The following CSMD1 variants were observed in gnomAD, a reference collection of about 807,000 sequenced individuals.
CSMD1 encodes the protein CUB and Sushi multiple domains 1.
In CSMD1, 213 loss-of-function variants were observed where a neutral mutation model predicts 417.5. The observed-to-expected ratio is 0.51, with a 90% CI of 0.46 to 0.57. The LOEUF is 0.57. CSMD1 is among the 20% of genes least tolerant of loss of function. CSMD1 has a pLI of 0.00. For missense variants in CSMD1, 6,923 were observed against 4,529.7 expected, an observed-to-expected ratio of 1.53 and a Z score of -15.17; for synonymous variants, 2,862 against 1,736.8, an observed-to-expected ratio of 1.65 and a Z score of -16.11.
intron 1 of CSMD1, among the ~76,000 whole-genome samples, chr8:4,656,768 A>G (rs1223665515): frequency 2.0e-5 from 3 of 152,042 alleles, no homozygotes; most frequent in Non-Finnish European, 4.4e-5. Context: ...GCAGTGGCAG[A>G]CGTGATCCTA....
intron 5 of CSMD1, among the ~76,000 whole-genome samples, chr8:3,798,655 T>G (rs1800294556): frequency 6.6e-6 from 1 of 152,138 alleles, no homozygotes; most frequent in African/African-American, 2.4e-5. Flanking sequence ...TACATACATT[T>G]ATTCAAGAAG....
Position 3,348,147 on chromosome 8 carries a change from T to A in CSMD1, c.3319A>T (p.Ser1107Cys). 3 of 1,612,050 alleles carry A rather than the reference T, an allele frequency of 1.9e-6. No individual in the cohort carries two copies. Among genetic ancestry groups the A allele is most frequent in the Non-Finnish European group, 2.5e-6 (3 of 1,179,004 alleles). Residue 1107 changes from serine to cysteine, a missense_variant, in exon 22 of 70, where the codon AGT (serine) becomes TGT (cysteine). By Grantham distance (112) the Ser-to-Cys change is moderately radical (BLOSUM62 -1). Transcript: ENST00000635120. ...AATGTTCCTTCATTTCCTTTGACAC[T>A]TGCTCCACATTCGGCTACAATAAAT... ...LPRCVAECGA[S>C]VKGNEGTLLS... is the part of the protein sequence containing the mutation.
rs769561210 is a variant in CSMD1 at position 3,107,727 on chromosome 8, AATC to A, written c.6823_6825del (p.Asp2275del). ...ATGAAGAAAGTATTACCTATTTCGA[AATC>A]ATCATCCTCAGTAAGCATTTCTGCC... On this transcript the variant is annotated inframe_deletion, in exon 45 of 70. Coordinates refer to ENST00000635120, the MANE Select transcript of CSMD1 (RefSeq NM_033225.6). 1.3e-6 allele frequency: 2 copies of A among 1,585,108 alleles called. No homozygotes were observed. The highest frequency in any genetic ancestry group is 8.6e-7 in the Non-Finnish European group (1 of 1,164,964).
chr8:4,350,277 C>T (rs999731662), intron 3 of CSMD1, among the ~76,000 whole-genome samples: 1 of 152,134 alleles, frequency 6.6e-6, no homozygotes, highest in African/African-American at 2.4e-5. Flanking sequence ...TAGGGGACGC[C>T]AACTGCAGGT....
intron 4 of CSMD1, among the ~76,000 whole-genome samples, chr8:4,020,699 C>T (rs779339255): frequency 1.1e-4 from 17 of 152,290 alleles, no homozygotes; most frequent in Admixed American, 1.3e-4. Flanking sequence ...ACTCCCTCAG[C>T]GAATCCGCGT....
At chr8:3,859,334 C>T (rs773772742) in intron 5 of CSMD1, among the ~76,000 whole-genome samples, 3 of 152,198 alleles carry the variant, frequency 2.0e-5, no homozygotes, top group Non-Finnish European at 4.4e-5. Context: ...TTTTTTGTCA[C>T]TTTCATTCTC....
At chr8:3,213,832 A>ATG (rs887540351) in intron 30 of CSMD1, among the ~76,000 whole-genome samples, 11 of 145,154 alleles carry the variant, frequency 7.6e-5, no homozygotes, top group East Asian at 2.0e-4. Context: ...GTGTCTGTGT[A>ATG]TGTGTGTGTG....
At chr8:3,710,149 C>A (rs1801426570) in intron 6 of CSMD1, among the ~76,000 whole-genome samples, 1 of 151,908 alleles carries the variant, frequency 6.6e-6, no homozygotes, top group Non-Finnish European at 1.5e-5. Flanking sequence ...TATTTTTAGG[C>A]TATAAGAGTT....
At chr8:4,148,280 ACAC>A (rs1281703086) in intron 3 of CSMD1, among the ~76,000 whole-genome samples, 2 of 149,532 alleles carry the variant, frequency 1.3e-5, no homozygotes, top group Non-Finnish European at 3.0e-5. Context: ...AAAAAACCAA[ACAC>A]CACATGTTCT....
intron 1 of CSMD1, among the ~76,000 whole-genome samples, chr8:4,850,779 G>C (rs78376417): frequency 6.6e-6 from 1 of 151,912 alleles, no homozygotes; most frequent in Non-Finnish European, 1.5e-5. Flanking sequence ...AAACCTAGTG[G>C]CTTGCCTATT....
At chr8:4,378,893 G>C (rs923050412) in intron 3 of CSMD1, among the ~76,000 whole-genome samples, 1 of 152,086 alleles carries the variant, frequency 6.6e-6, no homozygotes, top group Non-Finnish European at 1.5e-5. Context: ...TGCTGAATCC[G>C]CAATGCTTGG....
intron 9 of CSMD1, among the ~76,000 whole-genome samples, chr8:3,577,835 C>T (rs1052187111): frequency 1.3e-5 from 2 of 152,144 alleles, no homozygotes; most frequent in Non-Finnish European, 2.9e-5. Context: ...TTATTGCCTC[C>T]TTGCATCTAG....
intron 51 of CSMD1, among the ~76,000 whole-genome samples, chr8:3,028,959 A>T (rs189241553): frequency 3.3e-4 from 51 of 152,320 alleles, no homozygotes; most frequent in Admixed American, 9.1e-4. Flanking sequence ...TATCTTCAGC[A>T]TTCATACTAT....
At chr8:3,852,464 G>A (rs1803981125) in intron 5 of CSMD1, among the ~76,000 whole-genome samples, 1 of 152,184 alleles carries the variant, frequency 6.6e-6, no homozygotes, top group African/African-American at 2.4e-5. Context: ...CTGCAGGGCT[G>A]CATTCAGAGA....
chr8:4,149,241 G>C (rs748133274), intron 3 of CSMD1, among the ~76,000 whole-genome samples: 51 of 152,204 alleles, frequency 3.4e-4, no homozygotes, highest in Non-Finnish European at 2.9e-4. Flanking sequence ...TGAGATAACA[G>C]GCATAAGCCA....
intron 23 of CSMD1, 78 bp downstream of exon 23, chr8:3,343,216 A>T: frequency 7.7e-7 from 1 of 1,292,966 alleles, no homozygotes; most frequent in Non-Finnish European, 1.1e-6. Context: ...ATCAATATTT[A>T]AAACTTAATA....
chr8:4,633,462 G>T (rs371470336), intron 2 of CSMD1, among the ~76,000 whole-genome samples: 2 of 152,006 alleles, frequency 1.3e-5, no homozygotes, highest in East Asian at 3.9e-4. Context: ...TGTTAGCCAG[G>T]ATGGTCTCGA....
chr8:4,120,261 T>G (rs183037164), intron 3 of CSMD1, among the ~76,000 whole-genome samples: 258 of 151,756 alleles, frequency 1.7e-3, no homozygotes, highest in Non-Finnish European at 3.0e-3. Context: ...AAAAAGGATT[T>G]GGGGTAAAGA....
At chr8:4,494,234 T>C (rs1460284743) in intron 2 of CSMD1, among the ~76,000 whole-genome samples, 2 of 152,210 alleles carry the variant, frequency 1.3e-5, no homozygotes, top group African/African-American at 2.4e-5. Flanking sequence ...CAGATTTCCA[T>C]GTAAACTGAA....
Sources: allele counts gnomAD v4.1 joint callset (sites outside exome capture counted in the v4.1 genomes callset), GRCh38; gene constraint gnomAD v4.1.1; transcripts MANE v1.5; gene names NCBI Gene and HGNC (gene_info 2026-07-23, HGNC 2026-07-21).